Variants in FGF14 observed in about 807,000 individuals in gnomAD.
The protein encoded by FGF14 is fibroblast growth factor homologous factor 4.
Under a neutral mutation model 25.5 loss-of-function variants are expected in FGF14, and 5 were observed. The ratio of observed to expected loss-of-function variants is 0.20; its 90% confidence interval spans 0.10 to 0.41. FGF14 has a LOEUF of 0.41. FGF14 is among the 10% of genes least tolerant of loss of function. The pLI is 1.00. For missense variants in FGF14, 222 were observed against 320.1 expected, an observed-to-expected ratio of 0.69 and a Z score of 2.34; for synonymous variants, 138 against 118.3, an observed-to-expected ratio of 1.17 and a Z score of -1.08.
chr13:102,333,625 T>C (rs908353461), intron 1 of FGF14, among the ~76,000 whole-genome samples: 1 of 152,172 alleles, frequency 6.6e-6, no homozygotes, highest in Non-Finnish European at 1.5e-5. Context: ...TGTGTTCTGA[T>C]GATGGAACAT....
chr13:101,905,363 T>C (rs909127680), intron 1 of FGF14, among the ~76,000 whole-genome samples: 1 of 152,222 alleles, frequency 6.6e-6, no homozygotes, highest in African/African-American at 2.4e-5. Context: ...CATGGGATAC[T>C]ATGCAGACAT....
intron 1 of FGF14, among the ~76,000 whole-genome samples, chr13:102,077,402 G>C (rs928598286): frequency 1.3e-5 from 2 of 151,980 alleles, no homozygotes; most frequent in African/African-American, 4.8e-5. Context: ...ATTTGATAAG[G>C]GGTTAATATC....
intron 1 of FGF14, among the ~76,000 whole-genome samples, chr13:101,954,116 G>A (rs2036356367): frequency 6.6e-6 from 1 of 152,302 alleles, no homozygotes; most frequent in African/African-American, 2.4e-5. Flanking sequence ...GGTCGGATTA[G>A]GTTTTACTGC....
At chr13:102,211,302 G>A (rs1360763008) in intron 1 of FGF14, among the ~76,000 whole-genome samples, 2 of 152,028 alleles carry the variant, frequency 1.3e-5, no homozygotes, top group South Asian at 2.1e-4. Flanking sequence ...AATAATATGT[G>A]TGTGATTTAC....
rs368026264 is a variant in FGF14, at chr13:102,167,213, C to T, written c.208+234258G>A. 4.7e-5 allele frequency among the ~76,000 whole-genome samples: 7 copies of T among 147,394 alleles called. No homozygotes were observed. In the East Asian group the frequency reaches 1.3e-3, roughly 26 times the overall value. ...ATTTGCTGGACATGGTGGCATGCCC[C>T]TATAATCCCATCTACTCAGGAGTCT... is the stretch of plus-strand genomic sequence containing the variant. On this transcript the variant is annotated intron_variant, in intron 1 of 4. Transcript: ENST00000376131.
chr13:102,394,110 C>A (rs531108984), intron 1 of FGF14, among the ~76,000 whole-genome samples: 8 of 152,330 alleles, frequency 5.3e-5, no homozygotes, highest in African/African-American at 1.9e-4. Flanking sequence ...CCCAGGGTCT[C>A]CCAGTAGCTA....
intron 1 of FGF14, among the ~76,000 whole-genome samples, chr13:102,376,424 G>A (rs1486997805): frequency 6.6e-6 from 1 of 152,162 alleles, no homozygotes; most frequent in East Asian, 1.9e-4. Flanking sequence ...TATAAGAACA[G>A]ACTAATACAA....
chr13:101,758,248 T>A (rs1290026217), intron 3 of FGF14, among the ~76,000 whole-genome samples: 2 of 152,230 alleles, frequency 1.3e-5, no homozygotes, highest in African/African-American at 4.8e-5. Context: ...ATTGTTTTAT[T>A]CAGACAAGGA....
At chr13:102,121,596 A>G (rs906344238) in intron 1 of FGF14, among the ~76,000 whole-genome samples, 2 of 152,248 alleles carry the variant, frequency 1.3e-5, no homozygotes, top group Admixed American at 1.3e-4. Flanking sequence ...TATGTGTTAT[A>G]GACTTGATCC....
intron 1 of FGF14, among the ~76,000 whole-genome samples, chr13:102,128,946 T>A (rs1334353549): frequency 6.6e-6 from 1 of 151,986 alleles, no homozygotes; most frequent in Non-Finnish European, 1.5e-5. Flanking sequence ...AGCCTGGCAT[T>A]GTGGCAGGCG....
At chr13:102,285,450 A>C (rs2054048832) in intron 1 of FGF14, among the ~76,000 whole-genome samples, 1 of 152,202 alleles carries the variant, frequency 6.6e-6, no homozygotes, top group African/African-American at 2.4e-5. Flanking sequence ...GTTAAGACTT[A>C]TATCAACAAT....
rs146095797 is a variant in FGF14, at chr13:102,081,470, C to T, written c.209-206174G>A. 2.6e-5 allele frequency among the ~76,000 whole-genome samples: 4 copies of T among 152,234 alleles called. 1 individual carries two copies. Among genetic ancestry groups the T allele is most frequent in the South Asian group, 4.2e-4 (2 of 4,808 alleles). On this transcript the variant is annotated intron_variant, in intron 1 of 4. Transcript: ENST00000376131. ...TACTCTGGTTGTGATGTTTTGCTCA[C>T]GGCCACTGAACATTCATCGACCTTC...
At chr13:102,092,919 C>G (rs1459897498) in intron 1 of FGF14, among the ~76,000 whole-genome samples, 1 of 152,086 alleles carries the variant, frequency 6.6e-6, no homozygotes, top group Non-Finnish European at 1.5e-5. Flanking sequence ...AAGAAGGCAG[C>G]ATGAAGCATA....
chr13:101,842,567 G>A (rs748549382), intron 3 of FGF14, among the ~76,000 whole-genome samples: 2 of 151,902 alleles, frequency 1.3e-5, no homozygotes, highest in African/African-American at 4.8e-5. Flanking sequence ...TGGACGCCTG[G>A]GTAGGAATGT....
At chr13:102,036,517 A>G (rs1346759007) in intron 1 of FGF14, among the ~76,000 whole-genome samples, 1 of 152,168 alleles carries the variant, frequency 6.6e-6, no homozygotes, top group Non-Finnish European at 1.5e-5. Flanking sequence ...GGTTGTGGTG[A>G]GCAGAAACAA....
chr13:101,753,554 C>T (rs1566857667), intron 3 of FGF14, among the ~76,000 whole-genome samples: 1 of 152,108 alleles, frequency 6.6e-6, no homozygotes, highest in Non-Finnish European at 1.5e-5. Context: ...CCTGTAATCC[C>T]AGCACTTTGG....
rs1052935608 is a variant in FGF14 at position 101,720,968 on chromosome 13, T to C, written c.*1863A>G. On this transcript the variant is annotated 3_prime_UTR_variant, in exon 5 of 5. Transcript: ENST00000376143. Reference sequence around the variant, plus strand: ...ATCAGCTAAGCAGGCCAGAATTTTTTAATGCTGGGCAAGGGCTGTCATGAA... The same window carrying C: ...ATCAGCTAAGCAGGCCAGAATTTTTCAATGCTGGGCAAGGGCTGTCATGAA... 10 of 152,144 alleles carry C rather than the reference T, an allele frequency of 6.6e-5. No homozygotes were observed. Among genetic ancestry groups the C allele is most frequent in the African/African-American group, 1.9e-4 (8 of 41,450 alleles). 9.4% of individuals were successfully genotyped at this position (152,144 alleles called of 1,614,324 possible). A position where few individuals can be genotyped will look rare whatever the true frequency, so the allele number is the denominator to read the frequency against.
At chr13:102,002,250 T>C (rs1473982021) in intron 1 of FGF14, 1 of 152,236 alleles carries the variant, frequency 6.6e-6, no homozygotes, top group African/African-American at 2.4e-5. Flanking sequence ...TAATTTCCAA[T>C]GATGTTTACC....
chr13:102,007,366 G>A lies in FGF14; in HGVS notation c.209-132070C>T, dbSNP rs369309082. Among the ~76,000 whole-genome samples, 68 of 152,320 alleles carry A rather than the reference G, an allele frequency of 4.5e-4. No individual in the cohort carries two copies. In the South Asian group the frequency reaches 0.014, roughly 32 times the overall value. ...TATTAATAAATCTGAGGTATGGTCA[G>A]CAAGTTGCATTTTGAGGCAAATGTG... is the stretch of plus-strand genomic sequence containing the variant. On this transcript the variant is annotated intron_variant, in intron 1 of 4. Coordinates refer to the FGF14 transcript ENST00000376131.
Sources: gnomAD v4.1 joint callset for allele counts (sites outside exome capture counted in the v4.1 genomes callset) on GRCh38, gnomAD v4.1.1 for gene constraint, MANE v1.5 for transcripts, NCBI Gene and HGNC (gene_info 2026-07-23, HGNC 2026-07-21) for gene names.